Variants in LZTS1 observed in about 807,000 individuals in gnomAD.
The protein encoded by LZTS1 is leucine zipper putative tumor suppressor 1.
In LZTS1, 31 loss-of-function variants were observed where a neutral mutation model predicts 45.8. The observed-to-expected ratio is 0.68, with a 90% CI of 0.51 to 0.91. The LOEUF is 0.91. Ranked by LOEUF, LZTS1 falls within the 40% of genes least tolerant of loss-of-function variation. The pLI, the probability that LZTS1 is intolerant of heterozygous loss-of-function variation, is 0.00. For missense variants in LZTS1, 821 were observed against 788.9 expected, an observed-to-expected ratio of 1.04 and a Z score of -0.49; for synonymous variants, 359 against 357.3, an observed-to-expected ratio of 1.00 and a Z score of -0.05.
rs1249571444 is a variant in LZTS1, at chr8:20,246,252, A to T, written c.*3470T>A. The T allele has an allele frequency of 6.5e-6, 1 of 152,672 alleles. No homozygotes were observed. The highest frequency in any genetic ancestry group is 1.5e-5 in the Non-Finnish European group (1 of 68,050). 9.5% of individuals were successfully genotyped at this position (152,672 alleles called of 1,614,324 possible). A position where few individuals can be genotyped will look rare whatever the true frequency, so the allele number is the denominator to read the frequency against. On this transcript the variant is annotated 3_prime_UTR_variant, in exon 4 of 4. Coordinates refer to ENST00000381569, the MANE Select transcript of LZTS1 (RefSeq NM_021020.5). ...TTTACATGGCCAAAAAGTGACGTCA[A>T]AAATAAAATGAAGCTGTCAAAAGCA... is the stretch of plus-strand genomic sequence containing the variant.
chr8:20,294,307 T>A (rs932382960), intron 1 of LZTS1, among the ~76,000 whole-genome samples: 3 of 152,220 alleles, frequency 2.0e-5, no homozygotes, highest in Non-Finnish European at 4.4e-5. Context: ...TCTAGTTTGA[T>A]AGATGAAGAA....
At position 20,275,404 on chromosome 8, in the gene LZTS1, C is replaced by CA. The variant is rs55847914; in HGVS notation, c.-134-20090dup. On this transcript the variant is annotated intron_variant, in intron 1 of 3. Transcript: ENST00000381569. ...TGGGCAACAGAGTAAGACTTCATCT[C>CA]AAAAAAAAAAAAAAAAAAGAATTGT... is the stretch of plus-strand genomic sequence containing the variant. Among the ~76,000 whole-genome samples the CA allele has an allele frequency of 7.7e-3, 878 of 113,552 alleles. 12 individuals are homozygous for CA. The highest frequency in any genetic ancestry group is 0.026 in the African/African-American group (754 of 28,614). The allele number at this position is 113,552 out of a possible 152,430, so 74.5% of individuals were successfully genotyped here.
chr8:20,303,682 C>T (rs1801122166), intron 1 of LZTS1, 58 bp downstream of exon 1: 1 of 985,284 alleles, frequency 1.0e-6, no homozygotes. Context: ...AGCGGTTTCC[C>T]GCAGCCAGGG....
Position 20,281,263 on chromosome 8 carries a change from A to G in LZTS1, c.-135+22477T>C, listed in dbSNP as rs573266460. On this transcript the variant is annotated intron_variant, in intron 1 of 3. Coordinates refer to ENST00000381569, the MANE Select transcript of LZTS1 (RefSeq NM_021020.5). The stretch of plus-strand genomic sequence containing the variant: ...TTTAGGTCACCGGGGTGGATCCCTC[A>G]AGAATGGCTTAGTGGCCTGGACACG... 3.2e-4 allele frequency among the ~76,000 whole-genome samples: 48 copies of G among 152,234 alleles called. No individual in the cohort carries two copies. The South Asian group carries it at 9.1e-3, about 29-fold the overall frequency.
Position 20,256,064 on chromosome 8 carries a change from A to C in LZTS1, c.-134-749T>G, listed in dbSNP as rs1426103385. Among the ~76,000 whole-genome samples the C allele has an allele frequency of 3.5e-5, 5 of 143,532 alleles. No individual in the cohort carries two copies. In the South Asian group the frequency reaches 8.5e-4, roughly 24 times the overall value. The allele number at this position is 143,532 out of a possible 152,430, so 94.2% of individuals were successfully genotyped here. ...CACTCCAGCCTGGGCCTGACTCAAA[A>C]AAAAAAAAAAAAAAAAAAAAGAAGA... On this transcript the variant is annotated intron_variant, in intron 1 of 3. Coordinates refer to ENST00000381569, the MANE Select transcript of LZTS1 (RefSeq NM_021020.5).
chr8:20,254,555 T>G (rs1563858639), intron 2 of LZTS1, among the ~76,000 whole-genome samples: 1 of 152,162 alleles, frequency 6.6e-6, no homozygotes, highest in Non-Finnish European at 1.5e-5. Context: ...CCAGCTACAT[T>G]TCAGTGGGAC....
At chr8:20,261,278 T>C (rs1224779399) in intron 1 of LZTS1, among the ~76,000 whole-genome samples, 47 of 151,776 alleles carry the variant, frequency 3.1e-4, no homozygotes, top group Admixed American at 3.1e-3. Context: ...CCAGCTAGAG[T>C]TGGACTTTAG....
chr8:20,268,648 G>C (rs1378126601), intron 1 of LZTS1, among the ~76,000 whole-genome samples: 1 of 151,958 alleles, frequency 6.6e-6, no homozygotes, highest in Non-Finnish European at 1.5e-5. Flanking sequence ...AGCAAAGCTC[G>C]ATACAGATTT....
intron 1 of LZTS1, among the ~76,000 whole-genome samples, chr8:20,279,267 C>T (rs1800640757): frequency 6.6e-6 from 1 of 152,234 alleles, no homozygotes; most frequent in African/African-American, 2.4e-5. Flanking sequence ...TCTATCCCCT[C>T]TGCTAGTCTT....
At chr8:20,292,522 A>T (rs1800917261) in intron 1 of LZTS1, among the ~76,000 whole-genome samples, 1 of 152,258 alleles carries the variant, frequency 6.6e-6, no homozygotes, top group Admixed American at 6.5e-5. Flanking sequence ...AGGACAGAAA[A>T]GGCAGAGGAA....
Position 20,255,224 on chromosome 8 carries a change from T to C in LZTS1, c.-43A>G. 6 of 1,570,912 alleles carry C rather than the reference T, an allele frequency of 3.8e-6. No individual in the cohort carries two copies. Among genetic ancestry groups the C allele is most frequent in the Non-Finnish European group, 5.2e-6 (6 of 1,160,862 alleles). ...GATGGGGCAGGGCCGGGCAGGGTCT[T>C]GGAAAGGCTGTGGCAGCAAGGGGCA... On this transcript the variant is annotated 5_prime_UTR_variant, in exon 2 of 4. Coordinates refer to ENST00000381569, the MANE Select transcript of LZTS1 (RefSeq NM_021020.5).
intron 1 of LZTS1, among the ~76,000 whole-genome samples, chr8:20,299,518 G>A (rs772243769): frequency 1.5e-4 from 23 of 152,052 alleles, no homozygotes; most frequent in Non-Finnish European, 2.5e-4. Context: ...GCATTATTTC[G>A]TCTTTTTTGC....
At chr8:20,296,177 C>T (rs1467572377) in intron 1 of LZTS1, among the ~76,000 whole-genome samples, 1 of 152,122 alleles carries the variant, frequency 6.6e-6, no homozygotes, top group Non-Finnish European at 1.5e-5. Context: ...TGAAAATGTC[C>T]CCCAAGCCAA....
Position 20,257,667 on chromosome 8 carries a change from AC to A in LZTS1, c.-134-2353del, listed in dbSNP as rs1800137532. 5.6e-5 allele frequency among the ~76,000 whole-genome samples: 8 copies of A among 141,652 alleles called. No individual in the cohort carries two copies. The South Asian group carries it at 1.9e-3, about 34-fold the overall frequency. The allele number at this position is 141,652 out of a possible 152,430, so 92.9% of individuals were successfully genotyped here. A position where few individuals can be genotyped will look rare whatever the true frequency, so the allele number is the denominator to read the frequency against. Reference sequence around the variant, plus strand: ...CAAACTAATTCTAAGACACCCTTAAACTTTTTTTTTTTTTTTTTTTGAGATA... The same window carrying A: ...CAAACTAATTCTAAGACACCCTTAAATTTTTTTTTTTTTTTTTTTGAGATA... On this transcript the variant is annotated intron_variant, in intron 1 of 3. Transcript: ENST00000381569.
chr8:20,300,817 T>G (rs1048693946), intron 1 of LZTS1, among the ~76,000 whole-genome samples: 1 of 152,070 alleles, frequency 6.6e-6, no homozygotes, highest in Non-Finnish European at 1.5e-5. Context: ...AGTTGATCCC[T>G]ATGGTTAAAA....
At chr8:20,270,264 A>T (rs551554836) in intron 1 of LZTS1, among the ~76,000 whole-genome samples, 16 of 152,362 alleles carry the variant, frequency 1.1e-4, no homozygotes, top group Admixed American at 7.8e-4. Flanking sequence ...CTTTCCTCTT[A>T]CATCGTTCTT....
intron 1 of LZTS1, among the ~76,000 whole-genome samples, chr8:20,282,134 T>C (rs1800704801): frequency 1.3e-5 from 2 of 152,140 alleles, no homozygotes. Flanking sequence ...ACCACGAGGG[T>C]CCACAGTCCT....
chr8:20,257,228 C>T (rs1028984669), intron 1 of LZTS1, among the ~76,000 whole-genome samples: 3 of 152,034 alleles, frequency 2.0e-5, no homozygotes, highest in Admixed American at 6.6e-5. Flanking sequence ...GGCATGGTGG[C>T]ACGCACCTGT....
Position 20,249,035 on chromosome 8 carries a change from G to C in LZTS1, c.*687C>G, listed in dbSNP as rs929998412. 6.5e-6 allele frequency: 1 copy of C among 153,216 alleles called. No individual in the cohort carries two copies. Among genetic ancestry groups the C allele is most frequent in the East Asian group, 1.9e-4 (1 of 5,166 alleles). 9.5% of individuals were successfully genotyped at this position (153,216 alleles called of 1,614,324 possible). A position where few individuals can be genotyped will look rare whatever the true frequency, so the allele number is the denominator to read the frequency against. ...CCATTTGCAAGAACCAGTAAACAGG[G>C]GCTGGGCCCCAGGGGCTGGCCATCA... On this transcript the variant is annotated 3_prime_UTR_variant, in exon 4 of 4. Transcript: ENST00000381569.
Sources: allele counts gnomAD v4.1 joint callset (sites outside exome capture counted in the v4.1 genomes callset), GRCh38; gene constraint gnomAD v4.1.1; transcripts MANE v1.5; gene names NCBI Gene and HGNC (gene_info 2026-07-23, HGNC 2026-07-21).